CNTN4: variants seen among roughly 807,000 people sequenced by gnomAD.
CNTN4 encodes the protein contactin-4.
A neutral mutation model predicts 122.5 loss-of-function variants in CNTN4; 77 were observed. The ratio of observed to expected loss-of-function variants is 0.63; its 90% CI spans 0.52 to 0.76. The LOEUF is 0.76. Among genes scored for constraint, CNTN4 ranks in the 30% least tolerant of loss-of-function variants. The probability of loss-of-function intolerance (pLI) is 0.00; values close to 1 mark genes in which losing one functional copy is unlikely to be tolerated. For missense variants in CNTN4, 1,256 were observed against 1,259.1 expected, an observed-to-expected ratio of 1.00 and a Z score of 0.04; for synonymous variants, 512 against 447.0, an observed-to-expected ratio of 1.15 and a Z score of -1.83.
At chr3:2,920,069 T>C (rs2094412362) in intron 12 of CNTN4, among the ~76,000 whole-genome samples, 1 of 151,952 alleles carries the variant, frequency 6.6e-6, no homozygotes, top group Non-Finnish European at 1.5e-5. Flanking sequence ...AAAGTATTTG[T>C]CAGTTTTCAT....
chr3:2,173,539 A>G (rs1381405454), intron 2 of CNTN4, among the ~76,000 whole-genome samples: 1 of 152,192 alleles, frequency 6.6e-6, no homozygotes. Context: ...GGGGATATCA[A>G]ACTGTTAATG....
intron 3 of CNTN4, among the ~76,000 whole-genome samples, chr3:2,533,676 G>C (rs1005626719): frequency 3.9e-5 from 6 of 152,168 alleles, no homozygotes; most frequent in Admixed American, 1.3e-4. Flanking sequence ...GGGTCAAATG[G>C]TATTTCTAGT....
At chr3:2,443,899 G>A (rs1240607761) in intron 3 of CNTN4, among the ~76,000 whole-genome samples, 1 of 152,058 alleles carries the variant, frequency 6.6e-6, no homozygotes, top group African/African-American at 2.4e-5. Context: ...AGTTTATCTT[G>A]TTTTTGCTAG....
intron 2 of CNTN4, among the ~76,000 whole-genome samples, chr3:2,323,943 C>A (rs867665520): frequency 6.6e-6 from 1 of 152,166 alleles, no homozygotes; most frequent in African/African-American, 2.4e-5. Flanking sequence ...CACAATGGTT[C>A]CCAACTAAGG....
At chr3:2,407,339 A>G (rs2047075208) in intron 3 of CNTN4, among the ~76,000 whole-genome samples, 1 of 152,166 alleles carries the variant, frequency 6.6e-6, no homozygotes, top group Non-Finnish European at 1.5e-5. Context: ...TTAAAGAATC[A>G]TGCTGAGATC....
intron 3 of CNTN4, among the ~76,000 whole-genome samples, chr3:2,523,156 C>T (rs1478393471): frequency 6.6e-6 from 1 of 151,958 alleles, no homozygotes; most frequent in South Asian, 2.1e-4. Context: ...CAGACCTGTT[C>T]TATATGGAAT....
At chr3:2,655,536 T>G (rs572758908) in intron 4 of CNTN4, among the ~76,000 whole-genome samples, 1 of 152,314 alleles carries the variant, frequency 6.6e-6, no homozygotes, top group Admixed American at 6.5e-5. Flanking sequence ...CTGTTTCTGT[T>G]TCCTGCTCTG....
At chr3:2,207,258 T>TTGGA (rs2038402569) in intron 2 of CNTN4, among the ~76,000 whole-genome samples, 1 of 152,066 alleles carries the variant, frequency 6.6e-6, no homozygotes, top group Non-Finnish European at 1.5e-5. Context: ...AACCCTCCAA[T>TTGGA]GGCCTTGAAG....
chr3:2,766,442 C>T (rs979432211), intron 6 of CNTN4, among the ~76,000 whole-genome samples: 4 of 152,180 alleles, frequency 2.6e-5, no homozygotes, highest in African/African-American at 9.7e-5. Context: ...GTGGCATTCG[C>T]AGCAACCTGG....
chr3:2,692,960 T>G (rs2085823571), intron 4 of CNTN4, among the ~76,000 whole-genome samples: 2 of 152,202 alleles, frequency 1.3e-5, no homozygotes, highest in African/African-American at 4.8e-5. Context: ...AGGAAAATTC[T>G]CAAACCTATT....
chr3:2,119,404 T>C (rs185703753), intron 2 of CNTN4, among the ~76,000 whole-genome samples: 1 of 152,240 alleles, frequency 6.6e-6, no homozygotes, highest in South Asian at 2.1e-4. Context: ...AAAGTTTCTC[T>C]AGCTGTTTTT....
At chr3:2,705,849 TA>T (rs1559409124) in intron 4 of CNTN4, among the ~76,000 whole-genome samples, 11 of 100,734 alleles carry the variant, frequency 1.1e-4, no homozygotes, top group African/African-American at 3.4e-4. Flanking sequence ...ATATAATATA[TA>T]ATATATGTGT....
chr3:2,532,472 C>G (rs2077632980), intron 3 of CNTN4, among the ~76,000 whole-genome samples: 1 of 151,980 alleles, frequency 6.6e-6, no homozygotes. Context: ...AATGTTTGTA[C>G]TAGGAACAAA....
chr3:2,415,625 G>C (rs1159855469), intron 3 of CNTN4, among the ~76,000 whole-genome samples: 1 of 152,042 alleles, frequency 6.6e-6, no homozygotes, highest in Non-Finnish European at 1.5e-5. Context: ...CATTTCTGTG[G>C]GACCCAGTGT....
intron 3 of CNTN4, among the ~76,000 whole-genome samples, chr3:2,500,115 G>A (rs2076557301): frequency 6.6e-6 from 1 of 151,952 alleles, no homozygotes; most frequent in African/African-American, 2.4e-5. Flanking sequence ...CAATATTGCT[G>A]AACTCAACCT....
At chr3:2,414,378 TA>T (rs1371137442) in intron 3 of CNTN4, among the ~76,000 whole-genome samples, 2 of 152,144 alleles carry the variant, frequency 1.3e-5, no homozygotes, top group Non-Finnish European at 2.9e-5. Flanking sequence ...CATATAAGCC[TA>T]AAAAGTACAG....
chr3:2,515,635 G>A (rs1396893834), intron 3 of CNTN4, among the ~76,000 whole-genome samples: 2 of 151,966 alleles, frequency 1.3e-5, no homozygotes, highest in Non-Finnish European at 2.9e-5. Flanking sequence ...TCTTAGGATT[G>A]CTTATCACTA....
At chr3:2,901,401 A>T (rs1038175890) in intron 11 of CNTN4, among the ~76,000 whole-genome samples, 1 of 152,168 alleles carries the variant, frequency 6.6e-6, no homozygotes, top group African/African-American at 2.4e-5. Flanking sequence ...CCCAGAAAAG[A>T]GTGCCTGCTC....
At chr3:2,890,918 T>G (rs1206852652) in intron 10 of CNTN4, among the ~76,000 whole-genome samples, 2 of 152,226 alleles carry the variant, frequency 1.3e-5, no homozygotes, top group African/African-American at 4.8e-5. Flanking sequence ...TTATTTTCAG[T>G]GGTAAAATGC....
Sources: gnomAD v4.1 joint callset for allele counts (sites outside exome capture counted in the v4.1 genomes callset) on GRCh38, gnomAD v4.1.1 for gene constraint, MANE v1.5 for transcripts, NCBI Gene and HGNC (gene_info 2026-07-23, HGNC 2026-07-21) for gene names.